Variants in ENOSF1 observed in about 807,000 individuals in gnomAD.
The protein encoded by ENOSF1 is mitochondrial enolase superfamily member 1.
A neutral mutation model predicts 68.2 loss-of-function variants in ENOSF1; 73 were observed. The observed-to-expected ratio is 1.07, with a 90% CI of 0.89 to 1.30. ENOSF1 has a LOEUF of 1.30. ENOSF1 is among the 50% of genes most tolerant of loss of function. The probability of loss-of-function intolerance (pLI) is 0.00; values close to 1 mark genes in which losing one functional copy is unlikely to be tolerated. For missense variants in ENOSF1, 589 were observed against 554.5 expected (o/e 1.06, Z -0.62); for synonymous variants, 223 against 210.4 (o/e 1.06, Z -0.52).
intron 5 of ENOSF1, 122 bp downstream of exon 5, chr18:693,760 T>C: frequency 6.7e-7 from 1 of 1,489,784 alleles, no homozygotes; most frequent in South Asian, 1.4e-5. Context: ...GCTTTTTGCT[T>C]TATCATCGCT....
At position 672,067 on chromosome 18, in the gene ENOSF1, ACCAC is replaced by A. The variant is rs2075087257; in HGVS notation, c.*2234_*2237del. ...AATTCTGGAATTACAGGCATAAGCCACCACCCTGGCCATAAATATTTTTTGTTAA... is the reference window on the plus strand; with the variant it reads ...AATTCTGGAATTACAGGCATAAGCCACCTGGCCATAAATATTTTTTGTTAA... On this transcript the variant is annotated 3_prime_UTR_variant, in exon 16 of 16. Transcript: ENST00000647584. The A allele has an allele frequency of 6.6e-6, 1 of 152,350 alleles. No individual in the cohort carries two copies. The highest frequency in any genetic ancestry group is 2.1e-4 in the South Asian group (1 of 4,844). The allele number at this position is 152,350 out of a possible 1,614,324, so 9.4% of individuals were successfully genotyped here.
the ENOSF1 span, among the ~76,000 whole-genome samples, chr18:664,212 CTCCTTGAAGAGG>C: frequency 6.6e-6 from 1 of 151,960 alleles, no homozygotes; most frequent in Admixed American, 6.6e-5. Flanking sequence ...GTTTGTAGTT[CTCCTTGAAGAGG>C]TCCTTCACAT....
intron 2 of ENOSF1, among the ~76,000 whole-genome samples, chr18:703,454 G>A: frequency 6.6e-6 from 1 of 152,176 alleles, no homozygotes. Flanking sequence ...TTGCAGTATG[G>A]AGAAAGGCAG....
Position 679,304 on chromosome 18 carries a change from G to C in ENOSF1, c.877-567C>G, listed in dbSNP as rs545307995. Among the ~76,000 whole-genome samples, 10 of 149,560 alleles carry C rather than the reference G, an allele frequency of 6.7e-5. No individual in the cohort carries two copies. The East Asian group carries it at 1.2e-3, about 18-fold the overall frequency. On this transcript the variant is annotated intron_variant, in intron 11 of 15. Coordinates refer to ENST00000647584, the MANE Select transcript of ENOSF1 (RefSeq NM_017512.7). Reference sequence around the variant, plus strand: ...AGCTCACCGCAACCTCCACCCCCCAGGCTGAAGCGATTCTCGTGCCTCAGC... The same window carrying C: ...AGCTCACCGCAACCTCCACCCCCCACGCTGAAGCGATTCTCGTGCCTCAGC...
At chr18:690,736 T>C in intron 7 of ENOSF1, 105 bp from the exon 8 acceptor site, 1 of 1,205,240 alleles carries the variant, frequency 8.3e-7, no homozygotes, top group South Asian at 1.9e-5. Context: ...GCTGTTCTCC[T>C]GATCCGGCCC....
intron 11 of ENOSF1, among the ~76,000 whole-genome samples, chr18:679,306 C>G (rs2075847739): frequency 1.3e-5 from 2 of 150,928 alleles, no homozygotes; most frequent in African/African-American, 4.9e-5. Flanking sequence ...ACCCCCCAGG[C>G]TGAAGCGATT....
chr18:698,682 G>T (rs1417687127), intron 2 of ENOSF1, among the ~76,000 whole-genome samples: 1 of 151,950 alleles, frequency 6.6e-6, no homozygotes, highest in South Asian at 2.1e-4. Flanking sequence ...GTGCAGTGGC[G>T]GGATCTAGGC....
chr18:710,869 A>C (rs1453729043), intron 1 of ENOSF1, among the ~76,000 whole-genome samples: 1 of 152,238 alleles, frequency 6.6e-6, no homozygotes, highest in East Asian at 1.9e-4. Context: ...TGGATTCTAT[A>C]AGCCAGTAAA....
intron 10 of ENOSF1, among the ~76,000 whole-genome samples, chr18:684,040 C>CTGGA (rs2076376882): frequency 1.3e-5 from 2 of 151,504 alleles, no homozygotes; most frequent in South Asian, 4.2e-4. Context: ...GTCACCAAGG[C>CTGGA]TGGAGTGCAG....
chr18:700,492 T>G (rs1317017273), intron 2 of ENOSF1, among the ~76,000 whole-genome samples: 2 of 152,242 alleles, frequency 1.3e-5, no homozygotes, highest in Non-Finnish European at 2.9e-5. Flanking sequence ...CTCATTTTTA[T>G]GACTCTCAGA....
chr18:664,752 C>T, the ENOSF1 span, among the ~76,000 whole-genome samples: 72,611 of 146,534 alleles, frequency 0.5, 18,782 homozygotes, highest in African/African-American at 0.66. Flanking sequence ...TGTCAAAGGC[C>T]TTTTCTGCAT....
chr18:686,593 G>C (rs1254220622), intron 9 of ENOSF1: 1 of 152,662 alleles, frequency 6.6e-6, no homozygotes, highest in Non-Finnish European at 1.5e-5. Flanking sequence ...CCAGACACTT[G>C]TAGGGAGCTC....
At chr18:707,672 CTGT>C (rs2079077833) in intron 1 of ENOSF1, 2 of 152,094 alleles carry the variant, frequency 1.3e-5, no homozygotes, top group African/African-American at 2.4e-5. Context: ...AAATTTATTA[CTGT>C]TATTATTCTA....
intron 2 of ENOSF1, among the ~76,000 whole-genome samples, chr18:704,120 C>T (rs115920134): frequency 0.011 from 1,678 of 152,166 alleles, 33 homozygotes; most frequent in African/African-American, 0.038. Flanking sequence ...TCCAGTCTCT[C>T]GTACTCCTTT....
At chr18:678,925 A>C (rs2075790356) in intron 11 of ENOSF1, among the ~76,000 whole-genome samples, 188 bp from the exon 12 acceptor site, 1 of 152,188 alleles carries the variant, frequency 6.6e-6, no homozygotes, top group African/African-American at 2.4e-5. Flanking sequence ...GCAGAGGAGA[A>C]GGTGAGCACT....
Position 683,244 on chromosome 18 carries a change from A to C in ENOSF1, c.876+2T>G, listed in dbSNP as rs537292556. 6.2e-7 allele frequency: 1 copy of C among 1,614,062 alleles called. No individual in the cohort carries two copies. The highest frequency in any genetic ancestry group is 1.1e-5 in the South Asian group (1 of 91,074). On this transcript the variant is annotated splice_donor_variant, in intron 11 of 15. Transcript: ENST00000647584. LOFTEE classifies it high-confidence loss of function. ...CCACAGCAGCAGCAGCCGTTTTCCT[A>C]CCTTGGAAATGGTGGCGTGCCCCAG...
intron 2 of ENOSF1, among the ~76,000 whole-genome samples, chr18:700,269 T>C (rs148425332): frequency 2.1e-4 from 32 of 152,302 alleles, no homozygotes; most frequent in African/African-American, 7.7e-4. Flanking sequence ...TTCCCTAGAA[T>C]TGTGAGAAGA....
chr18:673,579 CAT>C lies in ENOSF1; in HGVS notation c.*724_*725del, dbSNP rs906364966. 10 of 180,680 alleles carry C rather than the reference CAT, an allele frequency of 5.5e-5. No homozygotes were observed. The highest frequency in any genetic ancestry group is 1.1e-4 in the Non-Finnish European group (9 of 84,978). The allele number at this position is 180,680 out of a possible 1,614,324, so 11.2% of individuals were successfully genotyped here. On this transcript the variant is annotated 3_prime_UTR_variant, in exon 16 of 16. Transcript: ENST00000647584. ...GATTAAAGAACTCTCCTTAAGTAAA[CAT>C]GTGCTGTATTCTGGTTTGGATGCTA... is the stretch of plus-strand genomic sequence containing the variant.
Position 670,401 on chromosome 18 carries a change from C to G in ENOSF1, c.*3904G>C, listed in dbSNP as rs923759966. ...CCTGTGGCAAACAGAATTATTCCTG[C>G]TGTATTTGTAATCTGGTGCCACGAG... On this transcript the variant is annotated 3_prime_UTR_variant, in exon 16 of 16. Coordinates refer to ENST00000647584, the MANE Select transcript of ENOSF1 (RefSeq NM_017512.7). The G allele has an allele frequency of 9.5e-6, 3 of 314,348 alleles. No homozygotes were observed. Among genetic ancestry groups the G allele is most frequent in the Admixed American group, 4.6e-5 (1 of 21,870 alleles). The allele number at this position is 314,348 out of a possible 1,614,324, so 19.5% of individuals were successfully genotyped here.
Sources: gnomAD v4.1 joint callset for allele counts (sites outside exome capture counted in the v4.1 genomes callset) on GRCh38, gnomAD v4.1.1 for gene constraint, MANE v1.5 for transcripts, NCBI Gene and HGNC (gene_info 2026-07-23, HGNC 2026-07-21) for gene names.